Variants in PLEKHM2 observed in about 807,000 individuals in gnomAD.
The protein encoded by PLEKHM2 is pleckstrin homology and RUN domain containing M2.
A neutral mutation model predicts 116.3 loss-of-function variants in PLEKHM2; 77 were observed. That is an observed-to-expected ratio of 0.66 (90% confidence interval 0.55 to 0.80). The LOEUF (loss-of-function observed/expected upper bound fraction) is 0.80, where lower values mean the gene tolerates loss of function less well. PLEKHM2 is among the 30% of genes least tolerant of loss of function. PLEKHM2 has a pLI of 0.00. For synonymous variants in PLEKHM2, 562 were observed against 571.0 expected, an observed-to-expected ratio of 0.98 and a Z score of 0.22; for missense variants, 1,183 against 1,354.9, an observed-to-expected ratio of 0.87 and a Z score of 1.99.
rs61738981 is a variant in PLEKHM2 at position 15,725,349 on chromosome 1, C to T, written c.745C>T (p.Arg249Cys). 54 of 1,551,288 alleles carry T rather than the reference C, an allele frequency of 3.5e-5. No individual in the cohort carries two copies. The African/African-American group carries it at 4.1e-4, about 12-fold the overall frequency. Residue 249 changes from arginine to cysteine, a missense_variant, in exon 8 of 20, where the codon CGC becomes TGC. Arg to Cys is a radical substitution (Grantham distance 180, BLOSUM62 -3). Coordinates refer to ENST00000375799, the MANE Select transcript of PLEKHM2 (RefSeq NM_015164.4). The stretch of plus-strand genomic sequence containing the variant: ...CCTCACAGACACGGTCAGTGGTCCC[C>T]GCTCCACAGCCTCCGACCTGACCAG... ...GDLTDTVSGP[R>C]STASDLTSSK...
intron 1 of PLEKHM2, among the ~76,000 whole-genome samples, chr1:15,714,345 A>G (rs1355533695): frequency 7.2e-6 from 1 of 139,552 alleles, no homozygotes; most frequent in Non-Finnish European, 1.5e-5. Context: ...CAGATTTTGA[A>G]ATTAAAAAAA....
At chr1:15,731,373 C>T (rs1416875665) in intron 16 of PLEKHM2, 116 bp downstream of exon 16, 6 of 803,386 alleles carry the variant, frequency 7.5e-6, no homozygotes, top group East Asian at 2.7e-5. Flanking sequence ...CCCCATCCAG[C>T]GGCCCTGACA....
intron 1 of PLEKHM2, among the ~76,000 whole-genome samples, chr1:15,712,184 G>A (rs148094729): frequency 6.6e-5 from 10 of 151,676 alleles, no homozygotes; most frequent in East Asian, 5.8e-4. Context: ...GTGGAAGATT[G>A]GGCAAAGGCT....
upstream of PLEKHM2, among the ~76,000 whole-genome samples, chr1:15,683,357 T>C (rs961417509): frequency 6.6e-6 from 1 of 151,716 alleles, no homozygotes; most frequent in East Asian, 1.9e-4. Flanking sequence ...TAAGTGGGGC[T>C]TGCAGGCTAA....
At chr1:15,700,742 C>T (rs1641092740) in intron 1 of PLEKHM2, among the ~76,000 whole-genome samples, 1 of 152,188 alleles carries the variant, frequency 6.6e-6, no homozygotes, top group African/African-American at 2.4e-5. Flanking sequence ...AGCACCCAGC[C>T]TTGTCTTAGA....
chr1:15,699,201 T>G (rs567887862), intron 1 of PLEKHM2, among the ~76,000 whole-genome samples: 4 of 152,078 alleles, frequency 2.6e-5, no homozygotes, highest in Non-Finnish European at 5.9e-5. Context: ...CTTTAATTTC[T>G]AGGGTACATG....
At chr1:15,717,486 A>T (rs901156140) in intron 3 of PLEKHM2, among the ~76,000 whole-genome samples, 1 of 152,156 alleles carries the variant, frequency 6.6e-6, no homozygotes, top group African/African-American at 2.4e-5. Context: ...TTCTCCCCAC[A>T]TATGATGGTT....
chr1:15,723,842 C>T (rs1432228257), intron 7 of PLEKHM2, among the ~76,000 whole-genome samples: 1 of 152,184 alleles, frequency 6.6e-6, no homozygotes, highest in Non-Finnish European at 1.5e-5. Flanking sequence ...TGGTTGGGCC[C>T]CCAGTGGGGC....
Position 15,733,835 on chromosome 1 carries a change from C to A in PLEKHM2, c.2961C>A (p.Asn987Lys), listed in dbSNP as rs189025469. The change falls in exon 20 of 20, where the codon AAC (asparagine) becomes AAA (lysine). Residue 987 changes from asparagine (N) to lysine (K), a missense_variant. Asn to Lys is a moderately conservative substitution (Grantham distance 94). Transcript: ENST00000375799. Reference sequence around the variant, plus strand: ...ACACGGCGATCCAGGAAGCCTCCAACAAGAAGAAATTCGAGGATGCCTTGA... The same window carrying A: ...ACACGGCGATCCAGGAAGCCTCCAAAAAGAAGAAATTCGAGGATGCCTTGA... ...LPHTAIQEAS[N>K]KKKFEDALSL... 381 of 1,613,154 alleles carry A rather than the reference C, an allele frequency of 2.4e-4. 2 individuals carry two copies. The African/African-American group carries it at 4.8e-3, about 20-fold the overall frequency.
chr1:15,730,588 C>T lies in PLEKHM2; in HGVS notation c.2265C>T (p.Asp755=), dbSNP rs370580485. 1.2e-4 allele frequency: 185 copies of T among 1,605,652 alleles called. No individual in the cohort carries two copies. The highest frequency in any genetic ancestry group is 2.7e-4 in the African/African-American group (20 of 74,884). ...YGLVHWEDPT[D]ESLGPTPCHC... is the part of the protein sequence containing the mutation. Reference sequence around the variant, plus strand: ...TTGTGCACTGGGAGGACCCCACAGACGAGTCCCTGGGCCCCACGCCCTGCC... The same window carrying T: ...TTGTGCACTGGGAGGACCCCACAGATGAGTCCCTGGGCCCCACGCCCTGCC... Residue 755 remains aspartate, a synonymous_variant, in exon 15 of 20, where the codon GAC becomes GAT. Transcript: ENST00000375799.
chr1:15,701,794 A>G (rs1051651014), intron 1 of PLEKHM2, among the ~76,000 whole-genome samples: 1 of 152,202 alleles, frequency 6.6e-6, no homozygotes, highest in Non-Finnish European at 1.5e-5. Flanking sequence ...CCCTCTCAAA[A>G]AAGAAAAGAA....
At chr1:15,730,060 C>T (rs904141376) in intron 14 of PLEKHM2, 131 bp downstream of exon 14, 16 of 1,904 alleles carry the variant, frequency 8.4e-3, no homozygotes, top group South Asian at 0.034. Flanking sequence ...CGGGGCGGGG[C>T]GGGGCGGGGC....
At chr1:15,693,815 G>T (rs1640935947) in intron 1 of PLEKHM2, among the ~76,000 whole-genome samples, 1 of 152,202 alleles carries the variant, frequency 6.6e-6, no homozygotes, top group African/African-American at 2.4e-5. Context: ...ATGTGGAAAG[G>T]CAAGAGCTGG....
Position 15,698,544 on chromosome 1 carries a change from TC to T in PLEKHM2, c.60+13927del, listed in dbSNP as rs1229005351. 4.0e-3 allele frequency among the ~76,000 whole-genome samples: 476 copies of T among 117,670 alleles called. 9 individuals are homozygous for T. The highest frequency in any genetic ancestry group is 0.019 in the African/African-American group (446 of 23,716). The allele number at this position is 117,670 out of a possible 152,430, so 77.2% of individuals were successfully genotyped here. ...TTTTCTTTCTTTTTCTTTCTTTCTT[TC>T]TTTCTTTTTTTTTTTTTTTTTTGAC... On this transcript the variant is annotated intron_variant, in intron 1 of 19. Coordinates refer to ENST00000375799, the MANE Select transcript of PLEKHM2 (RefSeq NM_015164.4).
Position 15,732,017 on chromosome 1 carries a change from T to C in PLEKHM2, c.2594T>C (p.Met865Thr). Residue 865 changes from methionine (M) to threonine (T), a missense_variant, in exon 17 of 20, where the codon ATG becomes ACG. Physicochemically the swap from Met to Thr is moderately conservative, Grantham distance 81. Coordinates refer to ENST00000375799, the MANE Select transcript of PLEKHM2 (RefSeq NM_015164.4). ...AESEAEMAEW[M>T]QHLCQAVSKG... ...AGCGAGGCCGAGATGGCCGAGTGGATGCAGCATCTCTGCCAGGCTGTGTCC... is the reference window on the plus strand; with the variant it reads ...AGCGAGGCCGAGATGGCCGAGTGGACGCAGCATCTCTGCCAGGCTGTGTCC... The C allele has an allele frequency of 6.2e-7, 1 of 1,612,334 alleles. No individual in the cohort carries two copies. Among genetic ancestry groups the C allele is most frequent in the East Asian group, 2.2e-5 (1 of 44,870 alleles).
chr1:15,694,288 G>T (rs137933719), intron 1 of PLEKHM2, among the ~76,000 whole-genome samples: 1 of 152,072 alleles, frequency 6.6e-6, no homozygotes, highest in African/African-American at 2.4e-5. Context: ...GGTGGAGGTC[G>T]CAGTGAGCCA....
At chr1:15,706,931 A>T (rs1266845910) in intron 1 of PLEKHM2, among the ~76,000 whole-genome samples, 1 of 152,100 alleles carries the variant, frequency 6.6e-6, no homozygotes, top group Admixed American at 6.6e-5. Context: ...CCACTGCTGA[A>T]CTGAGCTTTG....
rs1557660279 is a variant in PLEKHM2, at chr1:15,727,699, G to C, written c.1627G>C (p.Glu543Gln). Reference protein sequence around the residue: ...LVREGPVSEPEPGTQEVLCQL... With the variant: ...LVREGPVSEPQPGTQEVLCQL... ...CAGGGAGGGGCCTGTGTCTGAGCCAGAGCCTGGGACCCAGGAGGTTCTCTG... is the reference window on the plus strand; with the variant it reads ...CAGGGAGGGGCCTGTGTCTGAGCCACAGCCTGGGACCCAGGAGGTTCTCTG... Residue 543 changes from glutamate to glutamine, a missense_variant, in exon 9 of 20, where the codon GAG (glutamate) becomes CAG (glutamine). Transcript: ENST00000375799. The surrounding 1 kb of genome is among the most constrained non-coding windows in gnomAD (Gnocchi z 7.5). 1 of 1,595,014 alleles carries C rather than the reference G, an allele frequency of 6.3e-7. No individual in the cohort carries two copies. Among genetic ancestry groups the C allele is most frequent in the Non-Finnish European group, 8.5e-7 (1 of 1,171,646 alleles).
In PLEKHM2 at chr1:15,684,464, AGCGGTTGGCGGCG is replaced by A. The variant is rs1186647351; in HGVS notation, c.-92_-80del. ...ACGGAGCCCCCGTACGGCCGGCGGCAGCGGTTGGCGGCGGCCCCCGGCCCCCGGCGCGGGAAGC... is the reference window on the plus strand; with the variant it reads ...ACGGAGCCCCCGTACGGCCGGCGGCAGCCCCCGGCCCCCGGCGCGGGAAGC... On this transcript the variant is annotated 5_prime_UTR_variant, in exon 1 of 20. Coordinates refer to ENST00000375799, the MANE Select transcript of PLEKHM2 (RefSeq NM_015164.4). 1 of 677,816 alleles carries A rather than the reference AGCGGTTGGCGGCG, an allele frequency of 1.5e-6. No individual in the cohort carries two copies. The highest frequency in any genetic ancestry group is 1.4e-4 in the East Asian group (1 of 7,140). 42.0% of individuals were successfully genotyped at this position (677,816 alleles called of 1,614,324 possible).
Sources: gnomAD v4.1 joint callset for allele counts (sites outside exome capture counted in the v4.1 genomes callset) on GRCh38, gnomAD v4.1.1 for gene constraint, Gnocchi (gnomAD v3.1) non-coding constraint, MANE v1.5 for transcripts, NCBI Gene and HGNC (gene_info 2026-07-23, HGNC 2026-07-21) for gene names.